Variants in BCL10 observed in about 807,000 individuals in gnomAD.
The protein encoded by BCL10 is B-cell lymphoma/leukemia 10.
Under a neutral mutation model 19.2 loss-of-function variants are expected in BCL10, and 5 were observed. The ratio of observed to expected loss-of-function variants is 0.26; its 90% CI spans 0.14 to 0.55. BCL10 has a LOEUF of 0.55. BCL10 is among the 20% of genes least tolerant of loss of function. The pLI is 0.94. For missense variants in BCL10, 201 were observed against 271.9 expected (o/e 0.74, Z 1.83); for synonymous variants, 110 against 98.8 (o/e 1.11, Z -0.67).
chr1:85,267,509 A>T lies in BCL10; in HGVS notation c.*118T>A. The T allele has an allele frequency of 1.2e-6, 1 of 811,190 alleles. No individual in the cohort carries two copies. Among genetic ancestry groups the T allele is most frequent in the Non-Finnish European group, 1.9e-6 (1 of 528,914 alleles). The allele number at this position is 811,190 out of a possible 1,614,324, so 50.2% of individuals were successfully genotyped here. ...AAAATCCTATTTACAAAGTATGCTT[A>T]CATTGCATTTTAAAAGACATGCATC... On this transcript the variant is annotated 3_prime_UTR_variant, in exon 3 of 3. Transcript: ENST00000648566.
At chr1:85,272,075 G>C (rs58278399) in intron 1 of BCL10, among the ~76,000 whole-genome samples, 3,547 of 152,202 alleles carry the variant, frequency 0.023, 103 homozygotes, top group African/African-American at 0.071. Flanking sequence ...GTCAAATACA[G>C]GAAAAGCACA....
rs1479874511 is a variant in BCL10, at chr1:85,266,982, T to A, written c.*645A>T. The A allele has an allele frequency of 5.3e-6, 1 of 187,474 alleles. No individual in the cohort carries two copies. Among genetic ancestry groups the A allele is most frequent in the Non-Finnish European group, 1.1e-5 (1 of 88,994 alleles). 11.6% of individuals were successfully genotyped at this position (187,474 alleles called of 1,614,324 possible). On this transcript the variant is annotated 3_prime_UTR_variant, in exon 3 of 3. Coordinates refer to ENST00000648566, the MANE Select transcript of BCL10 (RefSeq NM_003921.5). ...TATTTTTCTTTAGGAATGAAAATGA[T>A]TAAGCCAAGAATGTGAAAATCCTAA...
At chr1:85,268,188 T>G (rs923215813) in intron 2 of BCL10, among the ~76,000 whole-genome samples, 2 of 152,236 alleles carry the variant, frequency 1.3e-5, no homozygotes, top group African/African-American at 4.8e-5. Flanking sequence ...ATTTTCTATA[T>G]AACAAAATAG....
chr1:85,266,930 A>G lies in BCL10; in HGVS notation c.*697T>C. 1 of 182,302 alleles carries G rather than the reference A, an allele frequency of 5.5e-6. No homozygotes were observed. The highest frequency in any genetic ancestry group is 1.2e-5 in the Non-Finnish European group (1 of 85,716). The allele number at this position is 182,302 out of a possible 1,614,324, so 11.3% of individuals were successfully genotyped here. The stretch of plus-strand genomic sequence containing the variant: ...AGGAAAAAATACCTCATCAAATTAC[A>G]TGTAATAACTGAGGTTTAGGCCAAG... On this transcript the variant is annotated 3_prime_UTR_variant, in exon 3 of 3. Transcript: ENST00000648566.
In BCL10 at chr1:85,274,610, A is replaced by G. The variant is rs1304137996; in HGVS notation, c.57+1686T>C. ...AGGCAATACAGCAGCAACAGTAAGCAACTTTGGGAAAAGGATAGTAAAAGT... is the reference window on the plus strand; with the variant it reads ...AGGCAATACAGCAGCAACAGTAAGCGACTTTGGGAAAAGGATAGTAAAAGT... On this transcript the variant is annotated intron_variant, in intron 1 of 2. Coordinates refer to ENST00000648566, the MANE Select transcript of BCL10 (RefSeq NM_003921.5). Among the ~76,000 whole-genome samples, 4 of 152,236 alleles carry G rather than the reference A, an allele frequency of 2.6e-5. No individual in the cohort carries two copies. The South Asian group carries it at 8.3e-4, about 31-fold the overall frequency.
At chr1:85,274,216 C>T (rs1479321169) in intron 1 of BCL10, among the ~76,000 whole-genome samples, 4 of 152,122 alleles carry the variant, frequency 2.6e-5, no homozygotes, top group Admixed American at 2.0e-4. Context: ...TTTAAACTAA[C>T]GTCTCTGTTT....
rs1032274575 is a variant in BCL10 at position 85,276,595 on chromosome 1, A to G, written c.-243T>C. ...CGCGACGCGACGCGGAGCTCGGAGC[A>G]GCGTTCCTTCCCTCTCGTAGAGGCT... On this transcript the variant is annotated 5_prime_UTR_variant, in exon 1 of 3. Coordinates refer to ENST00000648566, the MANE Select transcript of BCL10 (RefSeq NM_003921.5). 7 of 588,378 alleles carry G rather than the reference A, an allele frequency of 1.2e-5. No individual in the cohort carries two copies. Among genetic ancestry groups the G allele is most frequent in the African/African-American group, 9.3e-5 (5 of 53,520 alleles). 36.4% of individuals were successfully genotyped at this position (588,378 alleles called of 1,614,324 possible). A position where few individuals can be genotyped will look rare whatever the true frequency, so the allele number is the denominator to read the frequency against.
At chr1:85,275,498 A>G (rs1174675722) in intron 1 of BCL10, among the ~76,000 whole-genome samples, 5 of 152,234 alleles carry the variant, frequency 3.3e-5, no homozygotes, top group African/African-American at 9.6e-5. Context: ...AAAGTACTGC[A>G]GTGTTCAATA....
In BCL10 at chr1:85,276,434, C is replaced by T. The variant is rs2100755608; in HGVS notation, c.-82G>A. The T allele has an allele frequency of 1.3e-6, 2 of 1,498,530 alleles. No individual in the cohort carries two copies. The highest frequency in any genetic ancestry group is 3.4e-5 in the Admixed American group (2 of 59,048). The allele number at this position is 1,498,530 out of a possible 1,614,324, so 92.8% of individuals were successfully genotyped here. A position where few individuals can be genotyped will look rare whatever the true frequency, so the allele number is the denominator to read the frequency against. ...CGCCCTGGCTGGGGGCTTCGGCCTC[C>T]GGGTAATGGGGAAGAAGGAGAGGAG... On this transcript the variant is annotated 5_prime_UTR_variant, in exon 1 of 3. Coordinates refer to ENST00000648566, the MANE Select transcript of BCL10 (RefSeq NM_003921.5).
At position 85,267,489 on chromosome 1, in the gene BCL10, C is replaced by A. The variant is rs1660231017; in HGVS notation, c.*138G>T. The A allele has an allele frequency of 1.5e-6, 1 of 666,172 alleles. No homozygotes were observed. The highest frequency in any genetic ancestry group is 2.4e-6 in the Non-Finnish European group (1 of 418,162). The allele number at this position is 666,172 out of a possible 1,614,324, so 41.3% of individuals were successfully genotyped here. A position where few individuals can be genotyped will look rare whatever the true frequency, so the allele number is the denominator to read the frequency against. On this transcript the variant is annotated 3_prime_UTR_variant, in exon 3 of 3. Coordinates refer to ENST00000648566, the MANE Select transcript of BCL10 (RefSeq NM_003921.5). ...AGTATGCTTTTTTAATTCTAAAAATCCTATTTACAAAGTATGCTTACATTG... is the reference window on the plus strand; with the variant it reads ...AGTATGCTTTTTTAATTCTAAAAATACTATTTACAAAGTATGCTTACATTG...
At position 85,276,139 on chromosome 1, in the gene BCL10, C is replaced by G. The variant is rs1366728595; in HGVS notation, c.57+157G>C. On this transcript the variant is annotated intron_variant, in intron 1 of 2. Coordinates refer to ENST00000648566, the MANE Select transcript of BCL10 (RefSeq NM_003921.5). The stretch of plus-strand genomic sequence containing the variant: ...TGGAGGATCACTGCCACCAAGGTCC[C>G]TCGGATGCAGGGCTCGCCACAGTCC... Among the ~76,000 whole-genome samples the G allele has an allele frequency of 2.6e-5, 4 of 152,236 alleles. No homozygotes were observed. In the East Asian group the frequency reaches 7.7e-4, roughly 29 times the overall value.
chr1:85,274,704 G>T (rs960239501), intron 1 of BCL10, among the ~76,000 whole-genome samples: 1 of 152,194 alleles, frequency 6.6e-6, no homozygotes, highest in South Asian at 2.1e-4. Context: ...TTGGAAATAA[G>T]GACCTAGAGT....
Position 85,276,500 on chromosome 1 carries a change from C to T in BCL10, c.-148G>A. 1.2e-6 allele frequency: 1 copy of T among 837,016 alleles called. No individual in the cohort carries two copies. Among genetic ancestry groups the T allele is most frequent in the Non-Finnish European group, 1.9e-6 (1 of 528,718 alleles). The allele number at this position is 837,016 out of a possible 1,614,324, so 51.8% of individuals were successfully genotyped here. On this transcript the variant is annotated 5_prime_UTR_variant, in exon 1 of 3. Transcript: ENST00000648566. Reference sequence around the variant, plus strand: ...AGAAAGACGGCCGCCCCTTCGGGAACAGAGGGACTCGGGGGTCAAACCGTA... The same window carrying T: ...AGAAAGACGGCCGCCCCTTCGGGAATAGAGGGACTCGGGGGTCAAACCGTA...
chr1:85,271,043 T>C (rs1240034070), intron 1 of BCL10, 137 bp from the exon 2 acceptor site: 7 of 798,506 alleles, frequency 8.8e-6, no homozygotes, highest in African/African-American at 1.7e-5. Context: ...AAATGCATGC[T>C]AATTAAGATG....
At chr1:85,268,889 A>C (rs1157010040) in intron 2 of BCL10, among the ~76,000 whole-genome samples, 1 of 152,210 alleles carries the variant, frequency 6.6e-6, no homozygotes, top group Non-Finnish European at 1.5e-5. Flanking sequence ...CCTGTTTCTC[A>C]ACCTCACAGT....
At position 85,270,614 on chromosome 1, in the gene BCL10, T is replaced by C; in HGVS notation, c.346+4A>G. On this transcript the variant is annotated splice_donor_region_variant and intron_variant, in intron 2 of 2. Coordinates refer to ENST00000648566, the MANE Select transcript of BCL10 (RefSeq NM_003921.5). The stretch of plus-strand genomic sequence containing the variant: ...TTAGCTCTTAGATAATTAAGATATC[T>C]TACCTTTCAGATGTTCTAGTTTTAT... The C allele has an allele frequency of 6.3e-7, 1 of 1,590,304 alleles. No homozygotes were observed. Among genetic ancestry groups the C allele is most frequent in the Non-Finnish European group, 8.6e-7 (1 of 1,168,656 alleles).
rs777425344 is a variant in BCL10, at chr1:85,267,732, C to T, written c.597G>A (p.Gly199=). 3 of 1,614,052 alleles carry T rather than the reference C, an allele frequency of 1.9e-6. No individual in the cohort carries two copies. The highest frequency in any genetic ancestry group is 8.5e-7 in the Non-Finnish European group (1 of 1,180,018). ...STTLPRPGDP[G]APPLPPDLQL... ...GTAGATCTGGTGGCAAAGGAGGAGC[C>T]CCTGGGTCCCCAGGTCTGGGAAGTG... is the stretch of plus-strand genomic sequence containing the variant. The change falls in exon 3 of 3, where the codon GGG becomes GGA. Residue 199 remains glycine, a synonymous_variant. Coordinates refer to ENST00000648566, the MANE Select transcript of BCL10 (RefSeq NM_003921.5).
chr1:85,267,454 C>T lies in BCL10; in HGVS notation c.*173G>A. ...CATGATCAACATGATTTACAGTTAG[C>T]TATCCTAGAAGTATGCTTTTTTAAT... On this transcript the variant is annotated 3_prime_UTR_variant, in exon 3 of 3. Coordinates refer to ENST00000648566, the MANE Select transcript of BCL10 (RefSeq NM_003921.5). The T allele has an allele frequency of 1.9e-6, 1 of 531,224 alleles. No individual in the cohort carries two copies. The highest frequency in any genetic ancestry group is 3.2e-6 in the Non-Finnish European group (1 of 312,354). The allele number at this position is 531,224 out of a possible 1,614,324, so 32.9% of individuals were successfully genotyped here.
rs145763854 is a variant in BCL10, at chr1:85,274,353, C to T, written c.57+1943G>A. Among the ~76,000 whole-genome samples the T allele has an allele frequency of 3.9e-5, 6 of 152,186 alleles. No individual in the cohort carries two copies. In the East Asian group the frequency reaches 1.2e-3, roughly 29 times the overall value. The stretch of plus-strand genomic sequence containing the variant: ...ACTTATTTTGTGATTTAAAACAATC[C>T]CCCTCAAGAAATTGAGCTCTTTTCA... On this transcript the variant is annotated intron_variant, in intron 1 of 2. Coordinates refer to ENST00000648566, the MANE Select transcript of BCL10 (RefSeq NM_003921.5).
Sources: allele counts gnomAD v4.1 joint callset (sites outside exome capture counted in the v4.1 genomes callset), GRCh38; gene constraint gnomAD v4.1.1; transcripts MANE v1.5; gene names NCBI Gene and HGNC (gene_info 2026-07-23, HGNC 2026-07-21).